The following LNPEP variants were observed in gnomAD, a reference collection of about 807,000 sequenced individuals.
The protein encoded by LNPEP is leucyl-cystinyl aminopeptidase.
Under a neutral mutation model 120.6 loss-of-function variants are expected in LNPEP, and 64 were observed. The observed-to-expected ratio is 0.53, with a 90% CI of 0.43 to 0.65. The LOEUF (loss-of-function observed/expected upper bound fraction) is 0.65, where lower values mean the gene tolerates loss of function less well. Ranked by LOEUF, LNPEP falls within the 30% of genes least tolerant of loss-of-function variation. The pLI is 0.00. For synonymous variants in LNPEP, 435 were observed against 425.4 expected, an observed-to-expected ratio of 1.02 and a Z score of -0.28; for missense variants, 1,057 against 1,200.0, an observed-to-expected ratio of 0.88 and a Z score of 1.76.
At position 97,031,242 on chromosome 5, in the gene LNPEP, A is replaced by G. The variant is rs2112681317; in HGVS notation, c.*2709A>G. ...TGTTTATGCTTTGGAGATCTAAAAA[A>G]GTTATGAATGTAGGAATTAGATAAG... On this transcript the variant is annotated 3_prime_UTR_variant, in exon 18 of 18. Coordinates refer to ENST00000231368, the MANE Select transcript of LNPEP (RefSeq NM_005575.3). 1 of 151,928 alleles carries G rather than the reference A, an allele frequency of 6.6e-6. No homozygotes were observed. 9.4% of individuals were successfully genotyped at this position (151,928 alleles called of 1,614,324 possible).
At chr5:96,943,222 T>TA in intron 1 of LNPEP, 1 of 225,914 alleles carries the variant, frequency 4.4e-6, no homozygotes, top group Non-Finnish European at 8.2e-6. Flanking sequence ...TACCAGTTGT[T>TA]TAAAAAAAAA....
At chr5:97,020,770 C>T (rs1231545690) in intron 13 of LNPEP, among the ~76,000 whole-genome samples, 2 of 152,054 alleles carry the variant, frequency 1.3e-5, no homozygotes, top group Admixed American at 1.3e-4. Flanking sequence ...CCACTGCATT[C>T]CAGCCTGGGC....
At position 96,936,300 on chromosome 5, in the gene LNPEP, AGGGAGGCAGGGAGAGGGGATCTGG is replaced by A. The variant is rs1474733523; in HGVS notation, c.19+140_19+163del. 1.0e-4 allele frequency: 31 copies of A among 305,326 alleles called. No homozygotes were observed. In the East Asian group the frequency reaches 3.6e-3, roughly 35 times the overall value. The allele number at this position is 305,326 out of a possible 1,614,324, so 18.9% of individuals were successfully genotyped here. On this transcript the variant is annotated intron_variant, in intron 1 of 17. Coordinates refer to ENST00000231368, the MANE Select transcript of LNPEP (RefSeq NM_005575.3). Reference sequence around the variant, plus strand: ...CACCGCGGGCTTCCCACGAGGGCTGAGGGAGGCAGGGAGAGGGGATCTGGGGGAGGCAGGGAGGTTCGGGGGGCG... The same window carrying A: ...CACCGCGGGCTTCCCACGAGGGCTGAGGGAGGCAGGGAGGTTCGGGGGGCG...
intron 1 of LNPEP, among the ~76,000 whole-genome samples, chr5:96,957,988 G>A (rs1213187451): frequency 6.6e-6 from 1 of 152,196 alleles, no homozygotes; most frequent in African/African-American, 2.4e-5. Flanking sequence ...CCCCCATGCT[G>A]TATAGCCTAC....
At chr5:96,970,914 G>T (rs1789845571) in intron 1 of LNPEP, among the ~76,000 whole-genome samples, 1 of 151,900 alleles carries the variant, frequency 6.6e-6, no homozygotes, top group Admixed American at 6.6e-5. Flanking sequence ...GAAGAATAAA[G>T]AATGTACACC....
chr5:96,984,260 A>G (rs777276527), intron 2 of LNPEP, among the ~76,000 whole-genome samples: 1 of 152,218 alleles, frequency 6.6e-6, no homozygotes, highest in African/African-American at 2.4e-5. Flanking sequence ...CAGAGCTTAT[A>G]TACCTTCTAA....
intron 11 of LNPEP, chr5:97,010,505 A>G (rs1046409644): frequency 2.6e-5 from 26 of 985,248 alleles, no homozygotes; most frequent in Non-Finnish European, 3.0e-5. Context: ...ATAAAGTTCA[A>G]TAGCATGTAT....
At position 97,034,559 on chromosome 5, in the gene LNPEP, G is replaced by C. The variant is rs980329175; in HGVS notation, c.*6026G>C. The stretch of plus-strand genomic sequence containing the variant: ...GTTGTAGGAATCAAATGTAATGAGG[G>C]ACCCAGACCCGAGAGTGTGGTAAAT... On this transcript the variant is annotated 3_prime_UTR_variant, in exon 18 of 18. Coordinates refer to ENST00000231368, the MANE Select transcript of LNPEP (RefSeq NM_005575.3). The C allele has an allele frequency of 6.6e-6, 1 of 151,772 alleles. No individual in the cohort carries two copies. The highest frequency in any genetic ancestry group is 2.4e-5 in the African/African-American group (1 of 41,312). 9.4% of individuals were successfully genotyped at this position (151,772 alleles called of 1,614,324 possible).
At chr5:96,977,185 T>G (rs1790018040) in intron 1 of LNPEP, among the ~76,000 whole-genome samples, 1 of 151,720 alleles carries the variant, frequency 6.6e-6, no homozygotes, top group Non-Finnish European at 1.5e-5. Context: ...CAGAAATGGG[T>G]GAAGTGAAAT....
chr5:96,936,251 T>C, intron 1 of LNPEP, 77 bp downstream of exon 1: 5 of 1,224,926 alleles, frequency 4.1e-6, no homozygotes, highest in Non-Finnish European at 5.3e-6. Context: ...ACACGCGGGG[T>C]CGGGCTGCAG....
At position 96,953,491 on chromosome 5, in the gene LNPEP, G is replaced by A. The variant is rs370069104; in HGVS notation, c.19+17317G>A. Among the ~76,000 whole-genome samples the A allele has an allele frequency of 5.9e-5, 9 of 151,990 alleles. 1 individual carries two copies. In the South Asian group the frequency reaches 1.9e-3, roughly 32 times the overall value. On this transcript the variant is annotated intron_variant, in intron 1 of 17. Coordinates refer to ENST00000231368, the MANE Select transcript of LNPEP (RefSeq NM_005575.3). Reference sequence around the variant, plus strand: ...GCTACCTCTACCCTCCTTCTCCCACGTTTCTCAGAAACCCAGACATCCCTG... The same window carrying A: ...GCTACCTCTACCCTCCTTCTCCCACATTTCTCAGAAACCCAGACATCCCTG...
chr5:96,966,411 G>T (rs762579862), intron 1 of LNPEP, among the ~76,000 whole-genome samples: 18 of 151,966 alleles, frequency 1.2e-4, no homozygotes, highest in Non-Finnish European at 2.2e-4. Flanking sequence ...GAGGTGGGAG[G>T]ATTGCTTGAG....
chr5:97,013,846 GT>G lies in LNPEP; in HGVS notation c.2219+18del, dbSNP rs746673271. 2 of 1,553,688 alleles carry G rather than the reference GT, an allele frequency of 1.3e-6. No individual in the cohort carries two copies. The highest frequency in any genetic ancestry group is 2.5e-5 in the South Asian group (2 of 80,880). ...GAACTTGCAGGGTAGAGTATACTTA[GT>G]TTGAGATTTTTTCTTTTTTTAAACA... is the stretch of plus-strand genomic sequence containing the variant. On this transcript the variant is annotated intron_variant, in intron 12 of 17. Coordinates refer to ENST00000231368, the MANE Select transcript of LNPEP (RefSeq NM_005575.3).
At chr5:96,982,230 C>T (rs1441058954) in intron 2 of LNPEP, among the ~76,000 whole-genome samples, 1 of 152,180 alleles carries the variant, frequency 6.6e-6, no homozygotes. Context: ...CCATGGTGCA[C>T]TGCCTCTCTA....
Position 97,030,420 on chromosome 5 carries a change from TGTC to T in LNPEP, c.*1890_*1892del, listed in dbSNP as rs1368494291. The T allele has an allele frequency of 6.6e-6, 1 of 152,184 alleles. No homozygotes were observed. Among genetic ancestry groups the T allele is most frequent in the Admixed American group, 6.5e-5 (1 of 15,280 alleles). The allele number at this position is 152,184 out of a possible 1,614,324, so 9.4% of individuals were successfully genotyped here. ...AATACTAAACTTTTGAGAGTTTTGT[TGTC>T]GTTGCTGGTTTTTTACCATGTGGTA... is the stretch of plus-strand genomic sequence containing the variant. On this transcript the variant is annotated 3_prime_UTR_variant, in exon 18 of 18. Transcript: ENST00000231368.
rs575182273 is a variant in LNPEP at position 96,979,263 on chromosome 5, C to T, written c.145C>T (p.Arg49Trp). 40 of 1,613,828 alleles carry T rather than the reference C, an allele frequency of 2.5e-5. No homozygotes were observed. Among genetic ancestry groups the T allele is most frequent in the South Asian group, 4.4e-5 (4 of 91,076 alleles). Residue 49 changes from arginine (R) to tryptophan (W), a missense_variant, in exon 2 of 18, where the codon CGG becomes TGG. Arg to Trp is a moderately radical substitution (Grantham distance 101). Transcript: ENST00000231368. ...GCCTGATGAGGTGGAATATGAGCCC[C>T]GGGGTTCCCGACTGCTGGTGCGGGG... Reference protein sequence around the residue: ...LEPDEVEYEPRGSRLLVRGLG... With the variant: ...LEPDEVEYEPWGSRLLVRGLG...
chr5:96,949,786 G>T (rs1419822600), intron 1 of LNPEP, among the ~76,000 whole-genome samples: 2 of 152,092 alleles, frequency 1.3e-5, no homozygotes, highest in African/African-American at 4.8e-5. Context: ...GTGTTTTGTT[G>T]CACACATATT....
At chr5:97,015,396 A>G (rs1224162442) in intron 13 of LNPEP, among the ~76,000 whole-genome samples, 2 of 152,132 alleles carry the variant, frequency 1.3e-5, no homozygotes, top group Non-Finnish European at 2.9e-5. Flanking sequence ...TACATGATGA[A>G]TGTTTGAAAT....
rs370813014 is a variant in LNPEP at position 97,005,413 on chromosome 5, A to G, written c.1786-660A>G. Among the ~76,000 whole-genome samples the G allele has an allele frequency of 8.5e-5, 13 of 152,248 alleles. No homozygotes were observed. In the East Asian group the frequency reaches 1.9e-3, roughly 23 times the overall value. On this transcript the variant is annotated intron_variant, in intron 9 of 17. Transcript: ENST00000231368. ...CTTAGAGGGTCTGCAAAGCTCTGACACTAGGTTCTAGATTTTATAGATAAC... is the reference window on the plus strand; with the variant it reads ...CTTAGAGGGTCTGCAAAGCTCTGACGCTAGGTTCTAGATTTTATAGATAAC...
Sources: allele counts gnomAD v4.1 joint callset (sites outside exome capture counted in the v4.1 genomes callset), GRCh38; gene constraint gnomAD v4.1.1; transcripts MANE v1.5; gene names NCBI Gene and HGNC (gene_info 2026-07-23, HGNC 2026-07-21).